The following WDR62 variants were observed in gnomAD, a reference collection of about 807,000 sequenced individuals.
WDR62 encodes the protein WD repeat domain 62, also known as WD repeat-containing protein 62.
A neutral mutation model predicts 160.6 loss-of-function variants in WDR62; 112 were observed. The ratio of observed to expected loss-of-function variants is 0.70; its 90% CI spans 0.60 to 0.82. The LOEUF (loss-of-function observed/expected upper bound fraction) is 0.82. Ranked by LOEUF, WDR62 falls within the 40% of genes least tolerant of loss-of-function variation. WDR62 has a pLI of 0.00. For missense variants in WDR62, 1,819 were observed against 1,983.8 expected (o/e 0.92, Z 1.58); for synonymous variants, 792 against 815.1 (o/e 0.97, Z 0.48).
intron 22 of WDR62, among the ~76,000 whole-genome samples, chr19:36,100,515 T>A (rs1400768571): frequency 3.3e-5 from 5 of 152,226 alleles, no homozygotes; most frequent in African/African-American, 1.2e-4. Flanking sequence ...GAACTTGATA[T>A]AAATAGACAC....
chr19:36,069,392 G>A (rs927654428), intron 7 of WDR62, among the ~76,000 whole-genome samples: 5 of 152,128 alleles, frequency 3.3e-5, no homozygotes, highest in South Asian at 2.1e-4. Context: ...CATCCCAGAC[G>A]GGGTGGCGGG....
rs534587894 is a variant in WDR62, at chr19:36,067,886, A to T, written c.758A>T (p.Asn253Ile). 1.2e-6 allele frequency: 2 copies of T among 1,614,154 alleles called. No homozygotes were observed. Among genetic ancestry groups the T allele is most frequent in the Non-Finnish European group, 8.5e-7 (1 of 1,180,030 alleles). Residue 253 changes from asparagine to isoleucine, a missense_variant, in exon 7 of 32, where the codon AAC (asparagine) becomes ATC (isoleucine). Coordinates refer to ENST00000401500, the MANE Select transcript of WDR62 (RefSeq NM_001083961.2). ...GGCATCCTGGGCGAGCTGCACAACA[A>T]CATCTTCTGTGGTGTGGCCTGCGGT... ...RSGILGELHN[N>I]IFCGVACGRG...
At chr19:36,060,784 C>T (rs1970607404) in intron 3 of WDR62, 1 of 152,414 alleles carries the variant, frequency 6.6e-6, no homozygotes, top group Non-Finnish European at 1.5e-5. Flanking sequence ...GGGTCTCCCT[C>T]AGTGTGAGCA....
intron 11 of WDR62, among the ~76,000 whole-genome samples, chr19:36,084,304 A>G (rs1972074180): frequency 1.3e-5 from 2 of 152,176 alleles, no homozygotes; most frequent in South Asian, 2.1e-4. Context: ...ATCCTGGACT[A>G]TGACCTCTGG....
chr19:36,109,438 GA>G, downstream of WDR62, among the ~76,000 whole-genome samples: 1 of 152,166 alleles, frequency 6.6e-6, no homozygotes. Flanking sequence ...CTGGAGCTTA[GA>G]AAATTGTTTA....
chr19:36,055,093 GC>G lies in WDR62; in HGVS notation c.124del (p.Leu42TyrfsTer35). The G allele has an allele frequency of 6.2e-7, 1 of 1,605,160 alleles. No homozygotes were observed. The highest frequency in any genetic ancestry group is 8.5e-7 in the Non-Finnish European group (1 of 1,177,056). The part of the protein sequence containing the change: ...QSSPPPAPPI[C>X]LRRRTRLSTA... The stretch of plus-strand genomic sequence containing the variant: ...TCCCCGCCCCCCGCCCCACCAATCT[GC>G]CTACGGCGGCGGACGCGACTCTCGA... On this transcript the variant is annotated frameshift_variant, in exon 1 of 32. Transcript: ENST00000401500. LOFTEE classifies it high-confidence loss of function.
chr19:36,080,473 C>T (rs1971833197), intron 9 of WDR62, among the ~76,000 whole-genome samples: 1 of 150,852 alleles, frequency 6.6e-6, no homozygotes, highest in Non-Finnish European at 1.5e-5. Context: ...GTTACCCAGA[C>T]TGGAGTGCAA....
intron 18 of WDR62, among the ~76,000 whole-genome samples, chr19:36,092,442 G>A (rs1258028174): frequency 1.3e-5 from 2 of 152,134 alleles, no homozygotes; most frequent in Non-Finnish European, 2.9e-5. Context: ...CTTCCCCACA[G>A]CCCCCTTCCT....
chr19:36,105,287 C>A (rs1354633026), downstream of WDR62, among the ~76,000 whole-genome samples: 1 of 152,146 alleles, frequency 6.6e-6, no homozygotes, highest in African/African-American at 2.4e-5. Flanking sequence ...CCACACTGCC[C>A]ACAGAGCTGC....
chr19:36,103,630 A>C lies in WDR62; in HGVS notation c.3802A>C (p.Ile1268Leu), dbSNP rs767308651. 5 of 1,610,076 alleles carry C rather than the reference A, an allele frequency of 3.1e-6. No individual in the cohort carries two copies. The highest frequency in any genetic ancestry group is 2.5e-6 in the Non-Finnish European group (3 of 1,179,632). The change falls in exon 30 of 32, where the codon ATC becomes CTC. Residue 1268 changes from isoleucine (I) to leucine (L), a missense_variant. Around this residue, in one of 3 missense-constraint regions of WDR62, gnomAD observed 770 missense variants for 734.2 expected, o/e 1.05. Transcript: ENST00000401500. ...CTCCTTGGGCCAGGAGCTTCAGGCCATCACCACCGCGACAACACCCAGTTT... is the reference window on the plus strand; with the variant it reads ...CTCCTTGGGCCAGGAGCTTCAGGCCCTCACCACCGCGACAACACCCAGTTT... ...LASLGQELQA[I>L]TTATTPSLDS...
At chr19:36,086,163 G>A (rs914634293) in intron 12 of WDR62, among the ~76,000 whole-genome samples, 5 of 151,960 alleles carry the variant, frequency 3.3e-5, no homozygotes, top group African/African-American at 7.2e-5. Flanking sequence ...CACTCGGTTC[G>A]CCTCTCCTGA....
chr19:36,054,917 C>G lies in WDR62; in HGVS notation c.-55C>G. 1 of 1,542,574 alleles carries G rather than the reference C, an allele frequency of 6.5e-7. No individual in the cohort carries two copies. Among genetic ancestry groups the G allele is most frequent in the Non-Finnish European group, 8.7e-7 (1 of 1,144,916 alleles). ...TGTTCGCTGTTCCAGTGGGTCGTGG[C>G]GGTGGCGGCAGCGGCGGTTAGGGGA... On this transcript the variant is annotated 5_prime_UTR_variant, in exon 1 of 32. Transcript: ENST00000401500.
In WDR62 at chr19:36,072,954, C is replaced by A. The variant is rs573689787; in HGVS notation, c.1044-388C>A. Among the ~76,000 whole-genome samples the A allele has an allele frequency of 4.6e-5, 7 of 152,326 alleles. No individual in the cohort carries two copies. In the East Asian group the frequency reaches 1.3e-3, roughly 29 times the overall value. On this transcript the variant is annotated intron_variant, in intron 8 of 31. Transcript: ENST00000401500. ...GACCCCAGGCCAAGGGACAGCTCCC[C>A]AGCCTCCTTAGGACACAGAGGCTTT...
intron 27 of WDR62, 41 bp downstream of exon 27, chr19:36,102,892 A>G (rs1257948897): frequency 8.1e-6 from 13 of 1,613,976 alleles, no homozygotes; most frequent in Non-Finnish European, 1.0e-5. Flanking sequence ...TGGCTCCTCA[A>G]CAGTGCCCCA....
intron 9 of WDR62, among the ~76,000 whole-genome samples, chr19:36,077,911 A>C (rs1971669450): frequency 6.6e-6 from 1 of 151,902 alleles, no homozygotes; most frequent in Non-Finnish European, 1.5e-5. Flanking sequence ...ATTCCTTATA[A>C]GTGAAATCAT....
At chr19:36,090,399 G>A in intron 15 of WDR62, 46 bp from the exon 16 acceptor site, 4 of 1,584,402 alleles carry the variant, frequency 2.5e-6, no homozygotes, top group Non-Finnish European at 3.5e-6. Flanking sequence ...TGAGGTGGTG[G>A]GGTAGGCGGG....
At chr19:36,100,655 C>A in intron 22 of WDR62, 93 bp from the exon 23 acceptor site, 3 of 1,574,390 alleles carry the variant, frequency 1.9e-6, no homozygotes, top group Non-Finnish European at 2.6e-6. Context: ...GGTTCACAGC[C>A]TCCAGCAGTG....
chr19:36,058,833 C>A lies in WDR62; in HGVS notation c.231C>A (p.Thr77=), dbSNP rs761921538. 217 of 1,614,124 alleles carry A rather than the reference C, an allele frequency of 1.3e-4. No homozygotes were observed. The highest frequency in any genetic ancestry group is 1.7e-4 in the Non-Finnish European group (197 of 1,180,038). The change falls in exon 2 of 32, where the codon ACC becomes ACA. Residue 77 remains threonine (T), a synonymous_variant. Coordinates refer to ENST00000401500, the MANE Select transcript of WDR62 (RefSeq NM_001083961.2). ...GITAQNSSGL[T]CDPGTGHVAY... is the part of the protein sequence containing the mutation. ...CAGCCCAGAACAGCAGTGGCCTAAC[C>A]TGTGACCCCGGCACAGGCCATGTGG...
At chr19:36,101,820 C>T (rs1432287691) in intron 25 of WDR62, 46 bp downstream of exon 25, 1 of 1,522,792 alleles carries the variant, frequency 6.6e-7, no homozygotes. Context: ...TCGGGCCTGG[C>T]TTAGGGCCAG....
Sources: allele counts gnomAD v4.1 joint callset (sites outside exome capture counted in the v4.1 genomes callset), GRCh38; gene constraint gnomAD v4.1.1; regional missense constraint gnomAD v4.1.1; transcripts MANE v1.5; gene names NCBI Gene and HGNC (gene_info 2026-07-23, HGNC 2026-07-21).